RALYL: variants seen among roughly 807,000 people sequenced by gnomAD.
RALYL encodes RNA-binding Raly-like protein.
Under a neutral mutation model 35.1 loss-of-function variants are expected in RALYL, and 29 were observed. The observed-to-expected ratio is 0.83, with a 90% confidence interval of 0.61 to 1.13. RALYL has a LOEUF of 1.13. Ranked by LOEUF, RALYL falls within the 50% of genes most tolerant of loss-of-function variation. RALYL has a pLI of 0.00. For missense variants in RALYL, 359 were observed against 360.4 expected, an observed-to-expected ratio of 1.00 and a Z score of 0.03; for synonymous variants, 120 against 127.6, an observed-to-expected ratio of 0.94 and a Z score of 0.40.
At chr8:84,795,112 G>T (rs571316095) in intron 3 of RALYL, among the ~76,000 whole-genome samples, 35 of 152,224 alleles carry the variant, frequency 2.3e-4, no homozygotes, top group Non-Finnish European at 1.0e-4. Context: ...CTTTGAAAAA[G>T]ATATCACAGG....
chr8:84,641,387 G>C (rs1029398111), intron 2 of RALYL, among the ~76,000 whole-genome samples: 3 of 151,538 alleles, frequency 2.0e-5, no homozygotes, highest in Admixed American at 1.3e-4. Context: ...TCAGATGTTA[G>C]CATTTTATAG....
intron 1 of RALYL, among the ~76,000 whole-genome samples, chr8:84,485,850 G>A (rs1453212466): frequency 6.6e-6 from 1 of 151,912 alleles, no homozygotes; most frequent in African/African-American, 2.4e-5. Context: ...ATTACGTCTT[G>A]TCTACATTTT....
chr8:84,377,451 G>GTTT lies in RALYL; in HGVS notation c.-23-151826_-23-151824dup, dbSNP rs369746268. ...GAGGAGATATCATCAAAGGTTAACT[G>GTTT]TTTTTTTTTTTTTTTTTTTTTTTTC... On this transcript the variant is annotated intron_variant, in intron 1 of 8. Transcript: ENST00000521268. 6.7e-3 allele frequency among the ~76,000 whole-genome samples: 564 copies of GTTT among 83,720 alleles called. 7 individuals carry two copies. The highest frequency in any genetic ancestry group is 0.017 in the East Asian group (45 of 2,650). 54.9% of individuals were successfully genotyped at this position (83,720 alleles called of 152,430 possible). A position where few individuals can be genotyped will look rare whatever the true frequency, so the allele number is the denominator to read the frequency against.
chr8:84,200,160 G>A (rs919160637), intron 1 of RALYL, among the ~76,000 whole-genome samples: 2 of 152,140 alleles, frequency 1.3e-5, no homozygotes, highest in African/African-American at 2.4e-5. Flanking sequence ...AGTGTAGCAT[G>A]AGATTCTAAT....
intron 4 of RALYL, among the ~76,000 whole-genome samples, chr8:84,813,057 G>A (rs1826286886): frequency 6.6e-6 from 1 of 152,186 alleles, no homozygotes; most frequent in South Asian, 2.1e-4. Flanking sequence ...GGAATGGCCT[G>A]CTTGAAGACC....
intron 1 of RALYL, among the ~76,000 whole-genome samples, chr8:84,510,194 A>G (rs116185676): frequency 0.012 from 1,765 of 152,304 alleles, 33 homozygotes; most frequent in African/African-American, 0.04. Flanking sequence ...GGCTTTTATC[A>G]TATAAGTTGT....
rs77834057 is a variant in RALYL at position 84,581,014 on chromosome 8, A to G, written c.256+51437A>G. Among the ~76,000 whole-genome samples the G allele has an allele frequency of 1.7e-3, 262 of 152,280 alleles. 3 individuals carry two copies. In the East Asian group the frequency reaches 0.041, roughly 24 times the overall value. On this transcript the variant is annotated intron_variant, in intron 2 of 8. Coordinates refer to ENST00000521268, the MANE Select transcript of RALYL (RefSeq NM_173848.7). ...GTTAACTTAAAGACAAGGATGGCCA[A>G]CTTTAACTACATGTGGCCTCTCCAT...
chr8:84,757,096 T>G (rs1040811529), intron 2 of RALYL, among the ~76,000 whole-genome samples: 1 of 152,114 alleles, frequency 6.6e-6, no homozygotes, highest in African/African-American at 2.4e-5. Flanking sequence ...AATTCCATAT[T>G]TCTCCATGTA....
intron 8 of RALYL, among the ~76,000 whole-genome samples, chr8:84,891,002 G>T (rs181629502): frequency 2.0e-5 from 3 of 152,174 alleles, no homozygotes; most frequent in Non-Finnish European, 4.4e-5. Context: ...TAGAGAAAGA[G>T]GAACTAAATG....
intron 8 of RALYL, among the ~76,000 whole-genome samples, chr8:84,893,581 C>G (rs543182503): frequency 6.6e-6 from 1 of 152,286 alleles, no homozygotes; most frequent in Non-Finnish European, 1.5e-5. Flanking sequence ...ATAAAGCTTT[C>G]AGATGTGTTA....
chr8:84,764,473 C>A (rs571008936), intron 2 of RALYL, among the ~76,000 whole-genome samples: 24 of 152,012 alleles, frequency 1.6e-4, no homozygotes, highest in Non-Finnish European at 3.2e-4. Flanking sequence ...TTTTTCACTT[C>A]AGTTTCTATT....
At chr8:84,205,342 G>T (rs1817814659) in intron 1 of RALYL, among the ~76,000 whole-genome samples, 2 of 152,078 alleles carry the variant, frequency 1.3e-5, no homozygotes. Context: ...TCAAATAAAT[G>T]AATCGTGATG....
At chr8:84,512,604 C>T (rs577298686) in intron 1 of RALYL, among the ~76,000 whole-genome samples, 14 of 152,200 alleles carry the variant, frequency 9.2e-5, no homozygotes, top group African/African-American at 3.4e-4. Context: ...AAAATATTTG[C>T]CTTGACCAAT....
chr8:84,199,642 G>A (rs530558188), intron 1 of RALYL, among the ~76,000 whole-genome samples: 118 of 152,248 alleles, frequency 7.8e-4, no homozygotes, highest in African/African-American at 2.7e-3. Context: ...TTAGATTTAA[G>A]CCTGTAATCC....
chr8:84,781,141 G>T (rs1005784610), intron 3 of RALYL, among the ~76,000 whole-genome samples: 5 of 152,154 alleles, frequency 3.3e-5, no homozygotes, highest in Non-Finnish European at 7.3e-5. Context: ...GGGATTACAG[G>T]TGTGAGCCAC....
At position 84,372,886 on chromosome 8, in the gene RALYL, G is replaced by GTTTTTTTTTTTTTTTTTT. The variant is rs76885544; in HGVS notation, c.-23-156401_-23-156384dup. Among the ~76,000 whole-genome samples the GTTTTTTTTTTTTTTTTTT allele has an allele frequency of 1.1e-3, 42 of 39,072 alleles. 4 individuals are homozygous for GTTTTTTTTTTTTTTTTTT. The highest frequency in any genetic ancestry group is 2.1e-3 in the African/African-American group (19 of 9,122). The allele number at this position is 39,072 out of a possible 152,430, so 25.6% of individuals were successfully genotyped here. A position where few individuals can be genotyped will look rare whatever the true frequency, so the allele number is the denominator to read the frequency against. ...TTTCTCCACAACCATGCCAGCATCT[G>GTTTTTTTTTTTTTTTTTT]TTTTTTTTTTTTTTTTTTTTTTTTT... On this transcript the variant is annotated intron_variant, in intron 1 of 8. Coordinates refer to ENST00000521268, the MANE Select transcript of RALYL (RefSeq NM_173848.7).
chr8:84,677,104 C>T (rs1218070747), intron 2 of RALYL, among the ~76,000 whole-genome samples: 1 of 152,098 alleles, frequency 6.6e-6, no homozygotes, highest in Non-Finnish European at 1.5e-5. Context: ...CCGTAATGCA[C>T]TCTTGTACTT....
chr8:84,680,281 G>T (rs2131964479), intron 2 of RALYL, among the ~76,000 whole-genome samples: 1 of 152,194 alleles, frequency 6.6e-6, no homozygotes, highest in African/African-American at 2.4e-5. Flanking sequence ...CCAAGTCTTT[G>T]CTATTGTGAA....
intron 2 of RALYL, among the ~76,000 whole-genome samples, chr8:84,560,664 G>A (rs1344445658): frequency 6.6e-6 from 1 of 151,766 alleles, no homozygotes; most frequent in African/African-American, 2.4e-5. Context: ...TACAGATTAG[G>A]GTAAATTATT....
Sources: gnomAD v4.1 joint callset for allele counts (sites outside exome capture counted in the v4.1 genomes callset) on GRCh38, gnomAD v4.1.1 for gene constraint, MANE v1.5 for transcripts, NCBI Gene and HGNC (gene_info 2026-07-23, HGNC 2026-07-21) for gene names.